Variants in EIF4EBP2 observed in about 807,000 individuals in gnomAD.
EIF4EBP2 encodes the protein eukaryotic translation initiation factor 4E binding protein 2.
Under a neutral mutation model 10.3 loss-of-function variants are expected in EIF4EBP2, and 5 were observed. The observed-to-expected ratio is 0.48, with a 90% CI of 0.25 to 1.02. EIF4EBP2 has a LOEUF of 1.02. Ranked by LOEUF, EIF4EBP2 falls within the 50% of genes least tolerant of loss-of-function variation. The probability of loss-of-function intolerance (pLI) is 0.15; values close to 1 mark genes in which losing one functional copy is unlikely to be tolerated. For missense variants in EIF4EBP2, 188 were observed against 162.2 expected (o/e 1.16, Z -0.86); for synonymous variants, 67 against 61.1 (o/e 1.10, Z -0.45).
At position 70,423,526 on chromosome 10, in the gene EIF4EBP2, C is replaced by T. The variant is rs547513572; in HGVS notation, c.*1779C>T. On this transcript the variant is annotated 3_prime_UTR_variant, in exon 3 of 3. Transcript: ENST00000373218. ...CCATCCCCTCATAGTTAAGTAGCCA[C>T]TGGTGTCCTGGGAATTTCTGGTTGG... is the stretch of plus-strand genomic sequence containing the variant. 2 of 152,558 alleles carry T rather than the reference C, an allele frequency of 1.3e-5. No individual in the cohort carries two copies. The highest frequency in any genetic ancestry group is 2.1e-4 in the South Asian group (1 of 4,828). The allele number at this position is 152,558 out of a possible 1,614,324, so 9.5% of individuals were successfully genotyped here. A position where few individuals can be genotyped will look rare whatever the true frequency, so the allele number is the denominator to read the frequency against.
Position 70,404,334 on chromosome 10 carries a change from C to T in EIF4EBP2, c.-68C>T. 3 of 1,462,560 alleles carry T rather than the reference C, an allele frequency of 2.1e-6. No individual in the cohort carries two copies. Among genetic ancestry groups the T allele is most frequent in the Non-Finnish European group, 2.7e-6 (3 of 1,111,338 alleles). The allele number at this position is 1,462,560 out of a possible 1,614,324, so 90.6% of individuals were successfully genotyped here. On this transcript the variant is annotated 5_prime_UTR_variant, in exon 1 of 3. Coordinates refer to ENST00000373218, the MANE Select transcript of EIF4EBP2 (RefSeq NM_004096.5). Reference sequence around the variant, plus strand: ...GCGCTTTTCCGTCCGCCTGAGGAGCCGAAGCAGCCCCGGCCCCGCCGCCGC... The same window carrying T: ...GCGCTTTTCCGTCCGCCTGAGGAGCTGAAGCAGCCCCGGCCCCGCCGCCGC...
rs1017179417 is a variant in EIF4EBP2 at position 70,422,054 on chromosome 10, T to C, written c.*307T>C. 11 of 375,482 alleles carry C rather than the reference T, an allele frequency of 2.9e-5. No homozygotes were observed. Among genetic ancestry groups the C allele is most frequent in the African/African-American group, 2.2e-4 (11 of 49,960 alleles). The allele number at this position is 375,482 out of a possible 1,614,324, so 23.3% of individuals were successfully genotyped here. A position where few individuals can be genotyped will look rare whatever the true frequency, so the allele number is the denominator to read the frequency against. On this transcript the variant is annotated 3_prime_UTR_variant, in exon 3 of 3. Transcript: ENST00000373218. ...CAACTCTGACTTTCCTAGTTGTTTTTTTATTGAGAGCCACCCTCATACCCT... is the reference window on the plus strand; with the variant it reads ...CAACTCTGACTTTCCTAGTTGTTTTCTTATTGAGAGCCACCCTCATACCCT...
chr10:70,415,257 T>G (rs1407095736), intron 1 of EIF4EBP2, among the ~76,000 whole-genome samples: 1 of 152,114 alleles, frequency 6.6e-6, no homozygotes, highest in Non-Finnish European at 1.5e-5. Context: ...ATAAAACTTT[T>G]ACTCTGGAAA....
Position 70,407,118 on chromosome 10 carries a change from T to G in EIF4EBP2, c.145+2572T>G, listed in dbSNP as rs1398836511. On this transcript the variant is annotated intron_variant, in intron 1 of 2. Coordinates refer to ENST00000373218, the MANE Select transcript of EIF4EBP2 (RefSeq NM_004096.5). Reference sequence around the variant, plus strand: ...TTCACCATGTTAGCCAGGATGGTCTTTTTTTTTTTGTTGTTGTTGATCATT... The same window carrying G: ...TTCACCATGTTAGCCAGGATGGTCTGTTTTTTTTTGTTGTTGTTGATCATT... 3.4e-3 allele frequency among the ~76,000 whole-genome samples: 505 copies of G among 149,554 alleles called. 5 individuals carry two copies. The highest frequency in any genetic ancestry group is 5.6e-3 in the Non-Finnish European group (372 of 66,984).
Position 70,404,305 on chromosome 10 carries a change from G to C in EIF4EBP2, c.-97G>C, listed in dbSNP as rs1364138193. On this transcript the variant is annotated 5_prime_UTR_variant, in exon 1 of 3. Transcript: ENST00000373218. ...GGAGGAAGCGAGCGAGGAGCGCGCA[G>C]AGCGCGCTTTTCCGTCCGCCTGAGG... 2 of 1,382,944 alleles carry C rather than the reference G, an allele frequency of 1.4e-6. No homozygotes were observed. Among genetic ancestry groups the C allele is most frequent in the East Asian group, 6.1e-5 (2 of 32,892 alleles). The allele number at this position is 1,382,944 out of a possible 1,614,324, so 85.7% of individuals were successfully genotyped here.
intron 1 of EIF4EBP2, among the ~76,000 whole-genome samples, chr10:70,406,219 C>T (rs1844963194): frequency 6.6e-6 from 1 of 152,300 alleles, no homozygotes; most frequent in South Asian, 2.1e-4. Context: ...AGTTATTCGC[C>T]CCGTCAGCCT....
intron 1 of EIF4EBP2, among the ~76,000 whole-genome samples, chr10:70,413,770 A>G (rs1845067014): frequency 6.6e-6 from 1 of 152,184 alleles, no homozygotes; most frequent in Non-Finnish European, 1.5e-5. Context: ...TTCCAATATA[A>G]GACTAAGGAG....
intron 2 of EIF4EBP2, 68 bp downstream of exon 2, chr10:70,420,167 G>T (rs1023469233): frequency 4.2e-6 from 6 of 1,438,186 alleles, no homozygotes; most frequent in Admixed American, 2.4e-5. Context: ...TTTGCTGTAG[G>T]TTGAGAAGCT....
chr10:70,408,189 G>A (rs1220323746), intron 1 of EIF4EBP2, among the ~76,000 whole-genome samples: 3 of 140,856 alleles, frequency 2.1e-5, no homozygotes, highest in South Asian at 2.3e-4. Context: ...CGGACGGGGC[G>A]GCTGGCCGGG....
At chr10:70,411,358 G>C (rs954678281) in intron 1 of EIF4EBP2, among the ~76,000 whole-genome samples, 12 of 151,074 alleles carry the variant, frequency 7.9e-5, no homozygotes, top group African/African-American at 2.7e-4. Context: ...ATTCATCAGT[G>C]TTCATGCTTT....
intron 1 of EIF4EBP2, among the ~76,000 whole-genome samples, chr10:70,407,032 G>T (rs1423406662): frequency 6.6e-6 from 1 of 152,086 alleles, no homozygotes; most frequent in Non-Finnish European, 1.5e-5. Flanking sequence ...CGAGTAGCTG[G>T]GGCTACAGGC....
chr10:70,404,777 A>G (rs114108070), intron 1 of EIF4EBP2, among the ~76,000 whole-genome samples: 2 of 152,160 alleles, frequency 1.3e-5, no homozygotes, highest in African/African-American at 4.8e-5. Flanking sequence ...TGTCGCGAAA[A>G]AGAGCTCTTG....
intron 1 of EIF4EBP2, among the ~76,000 whole-genome samples, chr10:70,408,671 G>A (rs954157208): frequency 6.6e-6 from 1 of 152,160 alleles, no homozygotes; most frequent in Non-Finnish European, 1.5e-5. Context: ...GATTAATATG[G>A]TTAGGTATCG....
At chr10:70,408,713 TCGCACAAAAGGGGACAA>T in intron 1 of EIF4EBP2, among the ~76,000 whole-genome samples, 1 of 152,290 alleles carries the variant, frequency 6.6e-6, no homozygotes, top group African/African-American at 2.4e-5. Context: ...GGGGAGTGGT[TCGCACAAAAGGGGACAA>T]CAGACAAAAG....
intron 1 of EIF4EBP2, among the ~76,000 whole-genome samples, chr10:70,405,614 C>T (rs1000257142): frequency 4.6e-5 from 7 of 152,204 alleles, no homozygotes; most frequent in Non-Finnish European, 1.0e-4. Flanking sequence ...GCAGCTCCTG[C>T]GGTCTAGAGG....
At chr10:70,420,150 ATGTC>A (rs749112755) in intron 2 of EIF4EBP2, 51 bp downstream of exon 2, 2 of 1,503,250 alleles carry the variant, frequency 1.3e-6, no homozygotes, top group Non-Finnish European at 1.8e-6. Context: ...TGGAATTTGA[ATGTC>A]TGTTTGCTGT....
In EIF4EBP2 at chr10:70,420,010, T is replaced by A; in HGVS notation, c.242T>A (p.Val81Asp). 6.2e-7 allele frequency: 1 copy of A among 1,613,058 alleles called. No homozygotes were observed. Among genetic ancestry groups the A allele is most frequent in the Non-Finnish European group, 8.5e-7 (1 of 1,179,720 alleles). ...TGCCACCTGCCCAATATCCCAGGAG[T>A]CACTAGCCCTGGCACCTTAATTGAA... is the stretch of plus-strand genomic sequence containing the variant. ...PPCHLPNIPGVTSPGTLIEDS... is the reference protein window; with the variant it reads ...PPCHLPNIPGDTSPGTLIEDS... The change falls in exon 2 of 3, where the codon GTC (valine) becomes GAC (aspartate). Residue 81 changes from valine to aspartate, a missense_variant. By Grantham distance (152) the Val-to-Asp change is radical. Transcript: ENST00000373218.
intron 1 of EIF4EBP2, among the ~76,000 whole-genome samples, chr10:70,414,107 TTG>T (rs755156834): frequency 1.1e-4 from 17 of 152,194 alleles, no homozygotes; most frequent in Non-Finnish European, 2.5e-4. Flanking sequence ...TTTTAATAGA[TTG>T]TCTTGGAATT....
At chr10:70,407,441 A>G (rs1844981550) in intron 1 of EIF4EBP2, among the ~76,000 whole-genome samples, 1 of 152,122 alleles carries the variant, frequency 6.6e-6, no homozygotes, top group African/African-American at 2.4e-5. Flanking sequence ...GTAAGGTCAC[A>G]GATCAACAGG....
Sources: allele counts gnomAD v4.1 joint callset (sites outside exome capture counted in the v4.1 genomes callset), GRCh38; gene constraint gnomAD v4.1.1; transcripts MANE v1.5; gene names NCBI Gene and HGNC (gene_info 2026-07-23, HGNC 2026-07-21).